SKAP1: variants seen among roughly 807,000 people sequenced by gnomAD.
The protein encoded by SKAP1 is src kinase-associated phosphoprotein 1.
A neutral mutation model predicts 58.5 loss-of-function variants in SKAP1; 44 were observed. The observed-to-expected ratio is 0.75, with a 90% CI of 0.59 to 0.97. SKAP1 has a LOEUF of 0.97. SKAP1 is among the 50% of genes least tolerant of loss of function. The pLI is 0.00. For synonymous variants in SKAP1, 127 were observed against 149.7 expected (o/e 0.85, Z 1.11); for missense variants, 390 against 435.2 (o/e 0.90, Z 0.92).
intron 5 of SKAP1, 46 bp downstream of exon 5, chr17:48,189,377 C>T: frequency 6.7e-7 from 1 of 1,491,160 alleles, no homozygotes; most frequent in Non-Finnish European, 9.3e-7. Flanking sequence ...TCCTCACTTC[C>T]CTTCCCTTCC....
At chr17:48,145,723 T>C (rs1440001783) in intron 11 of SKAP1, among the ~76,000 whole-genome samples, 7 of 152,192 alleles carry the variant, frequency 4.6e-5, no homozygotes. Flanking sequence ...CCATGATTGC[T>C]ACATTTTAAT....
chr17:48,170,681 A>AT, intron 9 of SKAP1, 22 bp from the exon 10 acceptor site: 1 of 1,580,056 alleles, frequency 6.3e-7, no homozygotes, highest in Non-Finnish European at 8.7e-7. Context: ...AATGATCAGT[A>AT]TTAGCAATTA....
Position 48,266,142 on chromosome 17 carries a change from CCACA to C in SKAP1, c.281-76646_281-76643del, listed in dbSNP as rs918361339. Among the ~76,000 whole-genome samples the C allele has an allele frequency of 4.0e-5, 6 of 151,360 alleles. No individual in the cohort carries two copies. In the East Asian group the frequency reaches 1.2e-3, roughly 29 times the overall value. On this transcript the variant is annotated intron_variant, in intron 4 of 12. Coordinates refer to ENST00000336915, the MANE Select transcript of SKAP1 (RefSeq NM_003726.4). Reference sequence around the variant, plus strand: ...AACACACACCCACACCTACACACACCCACACACACACATACACACACACACTAGC... The same window carrying C: ...AACACACACCCACACCTACACACACCCACACACATACACACACACACTAGC...
chr17:48,362,456 A>G (rs1366941253), intron 3 of SKAP1, among the ~76,000 whole-genome samples: 1 of 152,236 alleles, frequency 6.6e-6, no homozygotes, highest in Non-Finnish European at 1.5e-5. Flanking sequence ...ATTTTGGTTA[A>G]CATCTGTTAA....
intron 3 of SKAP1, among the ~76,000 whole-genome samples, chr17:48,361,417 C>T (rs575361834): frequency 3.3e-5 from 5 of 152,130 alleles, no homozygotes; most frequent in East Asian, 3.9e-4. Context: ...GTTGGTCAGG[C>T]TGGTCTCGAA....
chr17:48,393,099 CT>C (rs2067370961), intron 2 of SKAP1, among the ~76,000 whole-genome samples: 1 of 152,102 alleles, frequency 6.6e-6, no homozygotes, highest in Admixed American at 6.5e-5. Flanking sequence ...CTTTGCCTGG[CT>C]TTCATACTAG....
intron 4 of SKAP1, among the ~76,000 whole-genome samples, chr17:48,215,442 C>A (rs2064926715): frequency 6.6e-6 from 1 of 152,056 alleles, no homozygotes; most frequent in African/African-American, 2.4e-5. Flanking sequence ...TTTGGAATTC[C>A]CCAGGGTGCA....
intron 2 of SKAP1, among the ~76,000 whole-genome samples, chr17:48,365,311 T>C (rs1454453873): frequency 1.3e-5 from 2 of 152,152 alleles, no homozygotes; most frequent in Non-Finnish European, 2.9e-5. Context: ...AGTCACTTAT[T>C]TGGAAACTAA....
chr17:48,191,873 A>G (rs1451418410), intron 4 of SKAP1, among the ~76,000 whole-genome samples: 1 of 152,232 alleles, frequency 6.6e-6, no homozygotes, highest in Non-Finnish European at 1.5e-5. Flanking sequence ...AGCAAAGGAA[A>G]GTTCATTTTT....
In SKAP1 at chr17:48,336,726, G is replaced by T. The variant is rs531441555; in HGVS notation, c.280+9179C>A. ...TAAATGAGATATTAGTAAGAATGAT[G>T]TGAATTCATTAGAAGGGCTAGATTA... is the stretch of plus-strand genomic sequence containing the variant. On this transcript the variant is annotated intron_variant, in intron 4 of 12. Transcript: ENST00000336915. Among the ~76,000 whole-genome samples, 4 of 152,072 alleles carry T rather than the reference G, an allele frequency of 2.6e-5. No homozygotes were observed. In the East Asian group the frequency reaches 7.7e-4, roughly 29 times the overall value.
In SKAP1 at chr17:48,189,339, A is replaced by G. The variant is rs190969187; in HGVS notation, c.358+84T>C. The G allele has an allele frequency of 3.3e-4, 366 of 1,094,462 alleles. 1 individual carries two copies. The highest frequency in any genetic ancestry group is 2.0e-4 in the Non-Finnish European group (147 of 732,762). The allele number at this position is 1,094,462 out of a possible 1,614,324, so 67.8% of individuals were successfully genotyped here. ...GCCTAGCACAGTACCGGGCACAGAGAAGGCATCCAATGTGTTAGCCTTCTT... is the reference window on the plus strand; with the variant it reads ...GCCTAGCACAGTACCGGGCACAGAGGAGGCATCCAATGTGTTAGCCTTCTT... On this transcript the variant is annotated intron_variant, in intron 5 of 12. Transcript: ENST00000336915.
intron 2 of SKAP1, among the ~76,000 whole-genome samples, chr17:48,373,868 T>C (rs529389381): frequency 6.6e-6 from 1 of 152,180 alleles, no homozygotes; most frequent in Non-Finnish European, 1.5e-5. Flanking sequence ...GTTATAACTC[T>C]AGAACATCTA....
chr17:48,237,768 A>G (rs1191481001), intron 4 of SKAP1, among the ~76,000 whole-genome samples: 2 of 152,194 alleles, frequency 1.3e-5, no homozygotes, highest in South Asian at 2.1e-4. Flanking sequence ...TTTGTGACCA[A>G]TGAAATGCTA....
chr17:48,219,790 G>A lies in SKAP1; in HGVS notation c.281-30290C>T, dbSNP rs62066449. ...AAGAAAAGGTTATCTGGCTGCACAC[G>A]GTGTCTCCCAGTCTGCTCTGGCTAG... On this transcript the variant is annotated intron_variant, in intron 4 of 12. Transcript: ENST00000336915. 2.9e-3 allele frequency among the ~76,000 whole-genome samples: 444 copies of A among 152,280 alleles called. 1 individual carries two copies. Among genetic ancestry groups the A allele is most frequent in the Non-Finnish European group, 4.5e-3 (303 of 68,020 alleles).
intron 10 of SKAP1, among the ~76,000 whole-genome samples, chr17:48,169,776 C>G (rs1361169216): frequency 6.6e-6 from 1 of 152,094 alleles, no homozygotes; most frequent in Non-Finnish European, 1.5e-5. Context: ...AAAGACAGGG[C>G]TAGATAATGG....
intron 4 of SKAP1, among the ~76,000 whole-genome samples, chr17:48,269,375 CT>C (rs2065597922): frequency 6.6e-6 from 1 of 152,118 alleles, no homozygotes; most frequent in South Asian, 2.1e-4. Flanking sequence ...GAGATCTATA[CT>C]AGTCCACTAG....
At chr17:48,264,834 C>T (rs2065525741) in intron 4 of SKAP1, among the ~76,000 whole-genome samples, 1 of 151,858 alleles carries the variant, frequency 6.6e-6, no homozygotes, top group Admixed American at 6.6e-5. Context: ...GTACTTGTCC[C>T]CAGCCTCTTC....
At chr17:48,239,504 T>C (rs1302127306) in intron 4 of SKAP1, among the ~76,000 whole-genome samples, 1 of 152,192 alleles carries the variant, frequency 6.6e-6, no homozygotes, top group African/African-American at 2.4e-5. Context: ...TATTCTTCCA[T>C]TAAATTTTAC....
intron 2 of SKAP1, among the ~76,000 whole-genome samples, chr17:48,370,532 G>C (rs1293735545): frequency 6.6e-6 from 1 of 152,008 alleles, no homozygotes; most frequent in Non-Finnish European, 1.5e-5. Flanking sequence ...TCAAACTGCT[G>C]AGCTCAAGCC....
Sources: gnomAD v4.1 joint callset for allele counts (sites outside exome capture counted in the v4.1 genomes callset) on GRCh38, gnomAD v4.1.1 for gene constraint, MANE v1.5 for transcripts, NCBI Gene and HGNC (gene_info 2026-07-23, HGNC 2026-07-21) for gene names.